The following MTREX variants were observed in gnomAD, a reference collection of about 807,000 sequenced individuals.
The protein encoded by MTREX is exosome RNA helicase MTR4.
MTREX carries 76 observed loss-of-function variants against 135.4 expected under a neutral mutation model. The ratio of observed to expected loss-of-function variants is 0.56; its 90% confidence interval spans 0.47 to 0.68. MTREX has a LOEUF of 0.68. Ranked by LOEUF, MTREX falls within the 30% of genes least tolerant of loss-of-function variation. The probability of loss-of-function intolerance (pLI) is 0.00; values close to 1 mark genes in which losing one functional copy is unlikely to be tolerated. For synonymous variants in MTREX, 404 were observed against 401.6 expected (o/e 1.01, Z -0.07); for missense variants, 920 against 1,262.1 (o/e 0.73, Z 4.11).
rs145061123 is a variant in MTREX at position 55,384,383 on chromosome 5, G to A, written c.2053-3591G>A. Among the ~76,000 whole-genome samples the A allele has an allele frequency of 1.4e-3, 206 of 152,150 alleles. 2 individuals carry two copies. In the Middle Eastern group the frequency reaches 0.024, roughly 18 times the overall value. ...TTTTTGTACTTTCTGTTTCTTCATC[G>A]ATATGTTCTGTTTGATACAACATTG... On this transcript the variant is annotated intron_variant, in intron 18 of 26. Coordinates refer to ENST00000230640, the MANE Select transcript of MTREX (RefSeq NM_015360.5).
At chr5:55,327,486 A>C (rs777521750) in intron 3 of MTREX, 4 of 436,352 alleles carry the variant, frequency 9.2e-6, no homozygotes, top group African/African-American at 7.9e-5. Context: ...ATCAGCTTTC[A>C]ATTATTACCC....
intron 15 of MTREX, among the ~76,000 whole-genome samples, chr5:55,365,866 C>T (rs1750095066): frequency 6.6e-6 from 1 of 152,004 alleles, no homozygotes. Flanking sequence ...TGGCACGCTC[C>T]TGTAGTCCCA....
At position 55,308,002 on chromosome 5, in the gene MTREX, C is replaced by T. The variant is rs760968260; in HGVS notation, c.-12C>T. ...TGGGTAGGAGGGAGATTTGCTCTCA[C>T]TGCTCCCAAAAATGGCGGACGCATT... On this transcript the variant is annotated 5_prime_UTR_variant, in exon 1 of 27. Coordinates refer to ENST00000230640, the MANE Select transcript of MTREX (RefSeq NM_015360.5). The T allele has an allele frequency of 3.7e-6, 6 of 1,614,156 alleles. No homozygotes were observed. Among genetic ancestry groups the T allele is most frequent in the South Asian group, 1.1e-5 (1 of 91,076 alleles).
At chr5:55,367,957 G>C (rs1354164738) in intron 16 of MTREX, among the ~76,000 whole-genome samples, 1 of 152,138 alleles carries the variant, frequency 6.6e-6, no homozygotes, top group African/African-American at 2.4e-5. Flanking sequence ...CCCAACCACT[G>C]TTAACACTTT....
rs1158646774 is a variant in MTREX, at chr5:55,400,488, AT to A, written c.2481+71del. The A allele has an allele frequency of 3.6e-6, 4 of 1,119,868 alleles. No individual in the cohort carries two copies. In the African/African-American group the frequency reaches 6.3e-5, roughly 18 times the overall value. The allele number at this position is 1,119,868 out of a possible 1,614,324, so 69.4% of individuals were successfully genotyped here. A position where few individuals can be genotyped will look rare whatever the true frequency, so the allele number is the denominator to read the frequency against. On this transcript the variant is annotated intron_variant, in intron 21 of 26. Transcript: ENST00000230640. The stretch of plus-strand genomic sequence containing the variant: ...TTCACTGAATAAATATGTGTTTGTC[AT>A]TTTCTTATCCTGTTGGTTTAATTGG...
At chr5:55,422,616 CCTT>C (rs1397659213) in intron 25 of MTREX, among the ~76,000 whole-genome samples, 2 of 152,182 alleles carry the variant, frequency 1.3e-5, no homozygotes, top group East Asian at 3.8e-4. Flanking sequence ...GTTGCTCCCT[CCTT>C]CTAGGGCATT....
At chr5:55,357,500 A>G (rs1399253527) in intron 14 of MTREX, 1 of 155,974 alleles carries the variant, frequency 6.4e-6, no homozygotes, top group African/African-American at 2.4e-5. Context: ...TGGCTAGGGA[A>G]GGACCTTGCT....
chr5:55,318,868 G>A (rs539688190), intron 1 of MTREX, among the ~76,000 whole-genome samples: 11 of 152,146 alleles, frequency 7.2e-5, no homozygotes, highest in Admixed American at 3.3e-4. Flanking sequence ...ATTACAAGTA[G>A]TACTAAATGT....
At chr5:55,414,021 G>A (rs939712066) in intron 23 of MTREX, among the ~76,000 whole-genome samples, 161 bp from the exon 24 acceptor site, 2 of 152,188 alleles carry the variant, frequency 1.3e-5, no homozygotes, top group African/African-American at 4.8e-5. Flanking sequence ...GATTTTGCCT[G>A]TGTAAACTGA....
At chr5:55,422,789 C>T (rs1157976196) in intron 25 of MTREX, 89 bp from the exon 26 acceptor site, 1 of 891,750 alleles carries the variant, frequency 1.1e-6, no homozygotes, top group East Asian at 2.6e-5. Flanking sequence ...TATTAATTAT[C>T]GTGTGTTCTC....
In MTREX at chr5:55,358,498, A is replaced by T. The variant is rs1365799793; in HGVS notation, c.1534-75A>T. 1.0e-5 allele frequency: 13 copies of T among 1,261,614 alleles called. No homozygotes were observed. The Admixed American group carries it at 3.4e-4, about 33-fold the overall frequency. The allele number at this position is 1,261,614 out of a possible 1,614,324, so 78.2% of individuals were successfully genotyped here. A position where few individuals can be genotyped will look rare whatever the true frequency, so the allele number is the denominator to read the frequency against. Reference sequence around the variant, plus strand: ...GTTTATAACTTGTTATAAATTTTATAAAAAGAGAAATTTTAAGAATATGTT... The same window carrying T: ...GTTTATAACTTGTTATAAATTTTATTAAAAGAGAAATTTTAAGAATATGTT... On this transcript the variant is annotated intron_variant, in intron 14 of 26. Coordinates refer to ENST00000230640, the MANE Select transcript of MTREX (RefSeq NM_015360.5).
chr5:55,377,290 GCA>G (rs1750320767), intron 16 of MTREX, among the ~76,000 whole-genome samples: 1 of 152,100 alleles, frequency 6.6e-6, no homozygotes, highest in African/African-American at 2.4e-5. Flanking sequence ...TCACGCCACT[GCA>G]CTCTAGCCTG....
At chr5:55,341,608 A>G (rs2112057427) in intron 6 of MTREX, 73 bp from the exon 7 acceptor site, 1 of 730,438 alleles carries the variant, frequency 1.4e-6, no homozygotes, top group South Asian at 2.2e-5. Flanking sequence ...CTTGTTGGAA[A>G]AAACAACTTT....
chr5:55,376,160 G>C (rs977627985), intron 16 of MTREX, among the ~76,000 whole-genome samples: 5 of 152,222 alleles, frequency 3.3e-5, no homozygotes, highest in Non-Finnish European at 7.3e-5. Flanking sequence ...AAGTGAGCTT[G>C]AGGGGCTTCA....
chr5:55,345,769 G>A (rs1471872847), intron 10 of MTREX, among the ~76,000 whole-genome samples: 1 of 148,992 alleles, frequency 6.7e-6, no homozygotes, highest in Non-Finnish European at 1.5e-5. Context: ...CTGGGTTCAA[G>A]TGATTCTCCT....
intron 24 of MTREX, among the ~76,000 whole-genome samples, chr5:55,415,328 G>A (rs1260516530): frequency 1.3e-5 from 2 of 151,952 alleles, no homozygotes; most frequent in Non-Finnish European, 2.9e-5. Flanking sequence ...TAAGAAACCT[G>A]TACATGAACC....
chr5:55,386,641 A>G (rs1210977059), intron 18 of MTREX, among the ~76,000 whole-genome samples: 2 of 152,130 alleles, frequency 1.3e-5, no homozygotes, highest in Non-Finnish European at 1.5e-5. Flanking sequence ...TTGAGTTATA[A>G]TAGTCACTTC....
intron 5 of MTREX, among the ~76,000 whole-genome samples, chr5:55,331,311 A>G (rs1005723840): frequency 4.6e-5 from 7 of 152,028 alleles, no homozygotes; most frequent in African/African-American, 9.7e-5. Context: ...ATTTTTGTAC[A>G]TATTTGTGAG....
chr5:55,376,465 C>T (rs1011528590), intron 16 of MTREX, among the ~76,000 whole-genome samples: 4 of 152,142 alleles, frequency 2.6e-5, no homozygotes, highest in South Asian at 2.1e-4. Flanking sequence ...CAAAATGAGC[C>T]GTTTGAATGG....
Sources: allele counts gnomAD v4.1 joint callset (sites outside exome capture counted in the v4.1 genomes callset), GRCh38; gene constraint gnomAD v4.1.1; transcripts MANE v1.5; gene names NCBI Gene and HGNC (gene_info 2026-07-23, HGNC 2026-07-21).